PLD5: variants seen among roughly 807,000 people sequenced by gnomAD.
PLD5 encodes inactive phospholipase D5.
Under a neutral mutation model 61.1 loss-of-function variants are expected in PLD5, and 36 were observed. The ratio of observed to expected loss-of-function variants is 0.59; its 90% CI spans 0.45 to 0.78. The LOEUF is 0.78. Among genes scored for constraint, PLD5 ranks in the 30% least tolerant of loss-of-function variants. The pLI, the probability that PLD5 is intolerant of heterozygous loss-of-function variation, is 0.00. For missense variants in PLD5, 515 were observed against 644.4 expected (o/e 0.80, Z 2.17); for synonymous variants, 243 against 242.8 (o/e 1.00, Z -0.01).
At chr1:242,409,070 A>AG (rs1664400539) in intron 1 of PLD5, among the ~76,000 whole-genome samples, 15 of 130,380 alleles carry the variant, frequency 1.2e-4, no homozygotes, top group East Asian at 2.4e-4. Context: ...CCTCTCAAAA[A>AG]AAAAAGAAAA....
chr1:242,509,821 A>AT (rs1186736730), intron 1 of PLD5, among the ~76,000 whole-genome samples: 1 of 152,220 alleles, frequency 6.6e-6, no homozygotes, highest in East Asian at 1.9e-4. Flanking sequence ...GAAGACAGGA[A>AT]TTACTCGGCG....
chr1:242,437,085 T>C (rs1051510181), intron 1 of PLD5, among the ~76,000 whole-genome samples: 1 of 152,162 alleles, frequency 6.6e-6, no homozygotes, highest in Non-Finnish European at 1.5e-5. Flanking sequence ...CTTCACCTTC[T>C]GGGACCTAAG....
Position 242,182,141 on chromosome 1 carries a change from C to A in PLD5, c.735+37847G>T, listed in dbSNP as rs572229926. ...GGAGAACTCAGTTGGCCTTGCCTGACATCTGCCTCTCCTCTCACGCAGTTG... is the reference window on the plus strand; with the variant it reads ...GGAGAACTCAGTTGGCCTTGCCTGAAATCTGCCTCTCCTCTCACGCAGTTG... On this transcript the variant is annotated intron_variant, in intron 5 of 9. Coordinates refer to ENST00000536534, the MANE Select transcript of PLD5 (RefSeq NM_001372062.1). Among the ~76,000 whole-genome samples the A allele has an allele frequency of 2.0e-5, 3 of 152,310 alleles. 1 individual carries two copies. Among genetic ancestry groups the A allele is most frequent in the Admixed American group, 2.0e-4 (3 of 15,306 alleles).
intron 4 of PLD5, among the ~76,000 whole-genome samples, chr1:242,252,747 G>A (rs991642090): frequency 1.1e-4 from 16 of 151,720 alleles, no homozygotes; most frequent in Non-Finnish European, 1.5e-4. Context: ...GGGATCCCTC[G>A]GAATTATAAG....
intron 7 of PLD5, among the ~76,000 whole-genome samples, chr1:242,110,584 T>C (rs567416887): frequency 1.3e-5 from 2 of 152,146 alleles, no homozygotes; most frequent in South Asian, 4.1e-4. Flanking sequence ...CTGAGGTGGG[T>C]GGATCACCTA....
At chr1:242,323,126 A>G (rs1658527319) in intron 2 of PLD5, among the ~76,000 whole-genome samples, 1 of 152,168 alleles carries the variant, frequency 6.6e-6, no homozygotes, top group Non-Finnish European at 1.5e-5. Flanking sequence ...AATCTTCACG[A>G]AAAAAGAAAT....
Position 242,265,703 on chromosome 1 carries a change from T to C in PLD5, c.496-255A>G, listed in dbSNP as rs1173588323. On this transcript the variant is annotated intron_variant, in intron 3 of 9. Transcript: ENST00000536534. ...ATTATTGCAATAAGAATTCCAATGC[T>C]ACAATGCAAATCTACCCTTTTCTGC... is the stretch of plus-strand genomic sequence containing the variant. 2.0e-5 allele frequency among the ~76,000 whole-genome samples: 3 copies of C among 152,194 alleles called. No homozygotes were observed. The East Asian group carries it at 5.8e-4, about 29-fold the overall frequency.
chr1:242,467,453 G>A (rs1001189278), intron 1 of PLD5, among the ~76,000 whole-genome samples: 3 of 152,100 alleles, frequency 2.0e-5, no homozygotes, highest in Admixed American at 6.5e-5. Flanking sequence ...AGGCTTTGTG[G>A]TTTTTATAGC....
At chr1:242,263,961 G>A (rs990904748) in intron 4 of PLD5, among the ~76,000 whole-genome samples, 6 of 152,330 alleles carry the variant, frequency 3.9e-5, no homozygotes, top group African/African-American at 1.2e-4. Flanking sequence ...AAAGAGAGCT[G>A]TGGATGTCTC....
intron 1 of PLD5, among the ~76,000 whole-genome samples, chr1:242,502,695 G>C (rs1668593809): frequency 6.6e-6 from 1 of 152,152 alleles, no homozygotes; most frequent in Non-Finnish European, 1.5e-5. Context: ...ATGTGCGTGT[G>C]TGTGTGTGTG....
intron 1 of PLD5, among the ~76,000 whole-genome samples, chr1:242,401,441 C>T (rs1663928019): frequency 6.6e-6 from 1 of 152,158 alleles, no homozygotes; most frequent in African/African-American, 2.4e-5. Flanking sequence ...TCACAGACTT[C>T]CCATCATACT....
At chr1:242,345,039 A>G (rs1481485078) in intron 2 of PLD5, among the ~76,000 whole-genome samples, 4 of 152,218 alleles carry the variant, frequency 2.6e-5, no homozygotes, top group African/African-American at 4.8e-5. Context: ...AGCACTGGAA[A>G]GATGGCCCCC....
chr1:242,090,203 C>T lies in PLD5; in HGVS notation c.1355-93G>A, dbSNP rs1659711162. ...ATTCAGAGTGGATTCTATTAAAAAT[C>T]ATCAACATCCAGGAATAACAACGGA... On this transcript the variant is annotated intron_variant, in intron 9 of 9. Transcript: ENST00000536534. The T allele has an allele frequency of 3.4e-6, 5 of 1,478,674 alleles. No homozygotes were observed. The South Asian group carries it at 6.5e-5, about 19-fold the overall frequency. The allele number at this position is 1,478,674 out of a possible 1,614,324, so 91.6% of individuals were successfully genotyped here. A position where few individuals can be genotyped will look rare whatever the true frequency, so the allele number is the denominator to read the frequency against.
chr1:242,526,301 G>T (rs1020975742), upstream of PLD5, among the ~76,000 whole-genome samples: 1 of 152,122 alleles, frequency 6.6e-6, no homozygotes, highest in African/African-American at 2.4e-5. Context: ...CGGGAGGATC[G>T]CTGAAGCCTG....
chr1:242,239,282 C>G (rs1353628925), intron 4 of PLD5, among the ~76,000 whole-genome samples: 1 of 146,314 alleles, frequency 6.8e-6, no homozygotes, highest in Non-Finnish European at 1.5e-5. Flanking sequence ...TGCATGTGCT[C>G]AGGAAGAAAC....
intron 9 of PLD5, among the ~76,000 whole-genome samples, chr1:242,098,972 G>T (rs187834493): frequency 1.3e-5 from 2 of 152,242 alleles, no homozygotes; most frequent in South Asian, 2.1e-4. Flanking sequence ...TGCCCCTACT[G>T]GGGGGTGCCT....
chr1:242,156,873 G>A (rs1276022251), intron 5 of PLD5, among the ~76,000 whole-genome samples: 1 of 152,100 alleles, frequency 6.6e-6, no homozygotes, highest in African/African-American at 2.4e-5. Context: ...GGTGGTCTCT[G>A]CATTTCCTGA....
chr1:242,147,857 C>A (rs1373629193), intron 5 of PLD5, among the ~76,000 whole-genome samples: 1 of 152,068 alleles, frequency 6.6e-6, no homozygotes, highest in Non-Finnish European at 1.5e-5. Flanking sequence ...ATTGGACTGT[C>A]TCTTTTCCTA....
At chr1:242,137,499 A>G (rs1663829274) in intron 5 of PLD5, among the ~76,000 whole-genome samples, 1 of 152,128 alleles carries the variant, frequency 6.6e-6, no homozygotes, top group Non-Finnish European at 1.5e-5. Flanking sequence ...AGCCACAATA[A>G]TAACACGTTT....
Sources: gnomAD v4.1 joint callset for allele counts (sites outside exome capture counted in the v4.1 genomes callset) on GRCh38, gnomAD v4.1.1 for gene constraint, MANE v1.5 for transcripts, NCBI Gene and HGNC (gene_info 2026-07-23, HGNC 2026-07-21) for gene names.